The following NTM variants were observed in gnomAD, a reference collection of about 807,000 sequenced individuals.
NTM encodes IgLON family member 2.
A neutral mutation model predicts 42.1 loss-of-function variants in NTM; 13 were observed. That is an observed-to-expected ratio of 0.31 (90% CI 0.20 to 0.49). NTM has a LOEUF of 0.49. Among genes scored for constraint, NTM ranks in the 20% least tolerant of loss-of-function variants. The pLI, the probability that NTM is intolerant of heterozygous loss-of-function variation, is 0.99. For missense variants in NTM, 373 were observed against 452.8 expected (o/e 0.82, Z 1.60); for synonymous variants, 187 against 179.2 (o/e 1.04, Z -0.35).
chr11:131,844,463 GT>G (rs2044674096), intron 1 of NTM, among the ~76,000 whole-genome samples: 2 of 152,202 alleles, frequency 1.3e-5, no homozygotes, highest in Admixed American at 1.3e-4. Context: ...GTGATACTTT[GT>G]TCATCGCTCT....
chr11:132,307,551 C>T (rs940554378), intron 4 of NTM, 138 bp from the exon 5 acceptor site: 1 of 1,192,538 alleles, frequency 8.4e-7, no homozygotes, highest in Middle Eastern at 2.5e-4. Flanking sequence ...AGGGATAACC[C>T]ACACAGTTCC....
chr11:132,156,688 A>G (rs183296847), intron 3 of NTM, among the ~76,000 whole-genome samples: 1 of 151,346 alleles, frequency 6.6e-6, no homozygotes, highest in African/African-American at 2.4e-5. Context: ...AAAATGATTC[A>G]TTTTTTTTTC....
intron 4 of NTM, among the ~76,000 whole-genome samples, chr11:132,215,909 A>G (rs1391737840): frequency 2.6e-5 from 4 of 152,184 alleles, no homozygotes; most frequent in Non-Finnish European, 5.9e-5. Context: ...ATGAAGGCTT[A>G]TTGACCCCAA....
At chr11:132,038,588 T>C (rs576316686) in intron 2 of NTM, among the ~76,000 whole-genome samples, 112 of 152,298 alleles carry the variant, frequency 7.4e-4, no homozygotes, top group African/African-American at 2.5e-3. Flanking sequence ...CAAGTGTGCG[T>C]GTGTAGCGTT....
chr11:132,275,137 C>G (rs2093656178), intron 4 of NTM, among the ~76,000 whole-genome samples: 1 of 152,022 alleles, frequency 6.6e-6, no homozygotes, highest in Non-Finnish European at 1.5e-5. Flanking sequence ...TGAAGATGTT[C>G]TACGTTCTCT....
chr11:131,543,049 C>T (rs2136822328), intron 1 of NTM, among the ~76,000 whole-genome samples: 1 of 152,274 alleles, frequency 6.6e-6, no homozygotes, highest in South Asian at 2.1e-4. Context: ...ACGCTGCCTC[C>T]CAGGGAGCTG....
rs148094202 is a variant in NTM, at chr11:131,479,061, T to A, written c.82+108173T>A. Among the ~76,000 whole-genome samples the A allele has an allele frequency of 1.4e-4, 21 of 152,348 alleles. No homozygotes were observed. The East Asian group carries it at 4.1e-3, about 29-fold the overall frequency. On this transcript the variant is annotated intron_variant, in intron 1 of 8. Transcript: ENST00000683400. ...GCCAGGGGCTTAATAAAGCCTTGTT[T>A]ATGAGCATTCTGGCCATGATGACTC...
intron 1 of NTM, among the ~76,000 whole-genome samples, chr11:131,690,404 C>A (rs1434036757): frequency 6.6e-6 from 1 of 152,196 alleles, no homozygotes; most frequent in Non-Finnish European, 1.5e-5. Context: ...ATGGCAGAAA[C>A]CCGGCCCAAG....
At chr11:132,197,514 T>G (rs1051593418) in intron 3 of NTM, among the ~76,000 whole-genome samples, 1 of 152,122 alleles carries the variant, frequency 6.6e-6, no homozygotes, top group Non-Finnish European at 1.5e-5. Flanking sequence ...TTAATTTTTT[T>G]ATTATTTAAG....
chr11:131,706,934 T>C (rs1203859951), intron 1 of NTM, among the ~76,000 whole-genome samples: 2 of 152,084 alleles, frequency 1.3e-5, no homozygotes, highest in South Asian at 2.1e-4. Flanking sequence ...TGTGAGATGA[T>C]TGAATCAAGC....
At chr11:132,285,636 G>A (rs986767697) in intron 4 of NTM, among the ~76,000 whole-genome samples, 4 of 152,136 alleles carry the variant, frequency 2.6e-5, no homozygotes, top group African/African-American at 4.8e-5. Context: ...TATATTCACA[G>A]CGGTTCCCCA....
intron 1 of NTM, among the ~76,000 whole-genome samples, chr11:131,502,273 T>TTG (rs1229418998): frequency 2.0e-5 from 3 of 151,910 alleles, no homozygotes; most frequent in Non-Finnish European, 2.9e-5. Flanking sequence ...TGAAGGAGCC[T>TTG]CGAGAGAGAG....
chr11:131,612,774 T>C (rs77261592), intron 1 of NTM, among the ~76,000 whole-genome samples: 12,056 of 152,256 alleles, frequency 0.079, 1,590 homozygotes, highest in African/African-American at 0.27. Context: ...AGTTGGCAGA[T>C]GTGCTGCAGG....
chr11:131,733,296 G>A (rs372198568), intron 1 of NTM, among the ~76,000 whole-genome samples: 18 of 152,150 alleles, frequency 1.2e-4, no homozygotes, highest in South Asian at 1.0e-3. Context: ...TTAACATGGC[G>A]TCCAAGGTGT....
At chr11:131,630,337 T>C (rs1346764254) in intron 1 of NTM, among the ~76,000 whole-genome samples, 1 of 152,196 alleles carries the variant, frequency 6.6e-6, no homozygotes, top group African/African-American at 2.4e-5. Context: ...TGCCAAGCCG[T>C]AACTTAATCT....
chr11:132,213,014 C>G (rs1339414504), intron 4 of NTM, among the ~76,000 whole-genome samples: 1 of 151,306 alleles, frequency 6.6e-6, no homozygotes, highest in Admixed American at 6.6e-5. Context: ...GAAAATAGAA[C>G]AGGATGTGTT....
At position 131,789,498 on chromosome 11, in the gene NTM, AAGAAG is replaced by A. The variant is rs1565551109; in HGVS notation, c.83-122064_83-122060del. Reference sequence around the variant, plus strand: ...AAGAAGAAGAAGAAGAAGAGGAAAGAAGAAGAAGAAGAAGAAGAAGAAGAAGAAGA... The same window carrying A: ...AAGAAGAAGAAGAAGAAGAGGAAAGAAAGAAGAAGAAGAAGAAGAAGAAGA... On this transcript the variant is annotated intron_variant, in intron 1 of 8. Coordinates refer to ENST00000683400, the MANE Select transcript of NTM (RefSeq NM_001352005.2). 3.1e-3 allele frequency among the ~76,000 whole-genome samples: 17 copies of A among 5,546 alleles called. 7 individuals carry two copies. The highest frequency in any genetic ancestry group is 0.042 in the Middle Eastern group (1 of 24). 3.6% of individuals were successfully genotyped at this position (5,546 alleles called of 152,430 possible). A position where few individuals can be genotyped will look rare whatever the true frequency, so the allele number is the denominator to read the frequency against.
At chr11:131,748,068 G>A (rs537052665) in intron 1 of NTM, among the ~76,000 whole-genome samples, 2 of 152,314 alleles carry the variant, frequency 1.3e-5, no homozygotes, top group South Asian at 4.1e-4. Context: ...TGATGGTACT[G>A]TTCATATGAG....
At position 132,069,519 on chromosome 11, in the gene NTM, C is replaced by T. The variant is rs1177609509; in HGVS notation, c.168-76763C>T. Among the ~76,000 whole-genome samples the T allele has an allele frequency of 4.4e-4, 58 of 131,468 alleles. 4 individuals carry two copies. Among genetic ancestry groups the T allele is most frequent in the Non-Finnish European group, 8.0e-4 (49 of 61,180 alleles). 86.2% of individuals were successfully genotyped at this position (131,468 alleles called of 152,430 possible). On this transcript the variant is annotated intron_variant, in intron 2 of 8. Coordinates refer to ENST00000683400, the MANE Select transcript of NTM (RefSeq NM_001352005.2). Reference sequence around the variant, plus strand: ...AGCCAAGTTAACACGTCACACTGACCGTCACAGGTTAGTTAACACGTCACC... The same window carrying T: ...AGCCAAGTTAACACGTCACACTGACTGTCACAGGTTAGTTAACACGTCACC...
Sources: allele counts gnomAD v4.1 joint callset (sites outside exome capture counted in the v4.1 genomes callset), GRCh38; gene constraint gnomAD v4.1.1; transcripts MANE v1.5; gene names NCBI Gene and HGNC (gene_info 2026-07-23, HGNC 2026-07-21).